The following CD1B variants were observed in gnomAD, a reference collection of about 807,000 sequenced individuals.
CD1B encodes the protein CD1b molecule.
Under a neutral mutation model 39.8 loss-of-function variants are expected in CD1B, and 43 were observed. The observed-to-expected ratio is 1.08, with a 90% CI of 0.85 to 1.39. CD1B has a LOEUF of 1.39. Among genes scored for constraint, CD1B ranks in the 40% most tolerant of loss-of-function variants. The probability of loss-of-function intolerance (pLI) is 0.00; values close to 1 mark genes in which losing one functional copy is unlikely to be tolerated. For missense variants in CD1B, 495 were observed against 403.8 expected (o/e 1.23, Z -1.94); for synonymous variants, 192 against 152.5 (o/e 1.26, Z -1.91).
the CD1B span, among the ~76,000 whole-genome samples, chr1:158,313,021 C>A: frequency 6.6e-6 from 1 of 152,074 alleles, no homozygotes; most frequent in Non-Finnish European, 1.5e-5. Flanking sequence ...AGGTACGTTC[C>A]TTATATACCT....
the CD1B span, among the ~76,000 whole-genome samples, chr1:158,294,854 C>T: frequency 0.034 from 5,174 of 152,266 alleles, 286 homozygotes; most frequent in African/African-American, 0.12. Context: ...CATTCCTTTT[C>T]ATTGCTGAAT....
chr1:158,315,097 A>G, the CD1B span, among the ~76,000 whole-genome samples: 1 of 151,444 alleles, frequency 6.6e-6, no homozygotes, highest in Non-Finnish European at 1.5e-5. Context: ...TGCTATTGTG[A>G]ATAATGCCGC....
chr1:158,304,270 C>G, the CD1B span, among the ~76,000 whole-genome samples: 1 of 152,138 alleles, frequency 6.6e-6, no homozygotes, highest in Non-Finnish European at 1.5e-5. Flanking sequence ...ATGGTCTTAG[C>G]AAAGGGCACA....
chr1:158,309,114 T>C, the CD1B span, among the ~76,000 whole-genome samples: 1 of 152,036 alleles, frequency 6.6e-6, no homozygotes, highest in Non-Finnish European at 1.5e-5. Flanking sequence ...GAATCTACTA[T>C]GAACTCAAAC....
the CD1B span, among the ~76,000 whole-genome samples, chr1:158,314,236 C>T: frequency 1.6e-4 from 24 of 152,118 alleles, no homozygotes; most frequent in Non-Finnish European, 3.2e-4. Context: ...AGGGGCCTGC[C>T]ACCACAATCA....
chr1:158,309,074 C>T, the CD1B span, among the ~76,000 whole-genome samples: 3 of 152,134 alleles, frequency 2.0e-5, no homozygotes, highest in Non-Finnish European at 4.4e-5. Flanking sequence ...ACTTTTGCAA[C>T]CTACTCATCT....
chr1:158,314,715 T>C, the CD1B span, among the ~76,000 whole-genome samples: 2 of 152,140 alleles, frequency 1.3e-5, no homozygotes, highest in Non-Finnish European at 2.9e-5. Context: ...TGCATGTTAG[T>C]TACGTATGTA....
the CD1B span, among the ~76,000 whole-genome samples, chr1:158,308,882 A>C: frequency 6.6e-6 from 1 of 152,242 alleles, no homozygotes; most frequent in Non-Finnish European, 1.5e-5. Context: ...AAAACCCTAG[A>C]AGAAAACCTA....
chr1:158,306,824 A>G, the CD1B span, among the ~76,000 whole-genome samples: 1 of 152,228 alleles, frequency 6.6e-6, no homozygotes, highest in Non-Finnish European at 1.5e-5. Flanking sequence ...CTGCTCCTGA[A>G]TGACTACTGG....
chr1:158,313,502 G>A, the CD1B span, among the ~76,000 whole-genome samples: 2 of 152,044 alleles, frequency 1.3e-5, no homozygotes, highest in African/African-American at 2.4e-5. Context: ...TTAGAGACAA[G>A]GTTTCATCAT....
At chr1:158,288,167 G>A in the CD1B span, among the ~76,000 whole-genome samples, 1 of 152,214 alleles carries the variant, frequency 6.6e-6, no homozygotes, top group Non-Finnish European at 1.5e-5. Flanking sequence ...TAGTGCTTAT[G>A]AATGATTTGG....
the CD1B span, among the ~76,000 whole-genome samples, chr1:158,296,813 A>G: frequency 8.5e-5 from 13 of 152,236 alleles, no homozygotes; most frequent in Admixed American, 8.5e-4. Flanking sequence ...AATTGGAAGT[A>G]TTAAAGGCAG....
rs773479465 is a variant in CD1B at position 158,329,988 on chromosome 1, G to A, written c.471C>T (p.Ser157=). ...ASCVPSPEGG[S]RAQKFCALII... is the part of the protein sequence containing the mutation. ...TTAGTGCACAGAATTTCTGTGCCCT[G>A]CTGCCACCTTCTGGGGAAGGCACAC... is the stretch of plus-strand genomic sequence containing the variant. The change falls in exon 3 of 6, where the codon AGC becomes AGT. Residue 157 remains serine, a synonymous_variant. Coordinates refer to ENST00000368168, the MANE Select transcript of CD1B (RefSeq NM_001764.3). The A allele has an allele frequency of 2.5e-6, 4 of 1,614,052 alleles. No homozygotes were observed. In the South Asian group the frequency reaches 3.3e-5, roughly 13 times the overall value.
the CD1B span, among the ~76,000 whole-genome samples, chr1:158,313,163 A>G: frequency 6.6e-6 from 1 of 152,176 alleles, no homozygotes; most frequent in South Asian, 2.1e-4. Context: ...TAATCTGAAT[A>G]CTTTGAATCA....
chr1:158,329,819 G>A (rs1571188173), intron 3 of CD1B, 33 bp downstream of exon 3: 1 of 1,595,514 alleles, frequency 6.3e-7, no homozygotes, highest in Non-Finnish European at 8.5e-7. Context: ...TCTTAGAGGA[G>A]GTGGTGGGAA....
chr1:158,304,681 C>G, the CD1B span, among the ~76,000 whole-genome samples: 1 of 152,198 alleles, frequency 6.6e-6, no homozygotes, highest in Non-Finnish European at 1.5e-5. Context: ...AACTGGGAGG[C>G]ACCTCCCAGT....
chr1:158,331,230 C>T, intron 1 of CD1B, 133 bp downstream of exon 1: 1 of 1,083,986 alleles, frequency 9.2e-7, no homozygotes, highest in Non-Finnish European at 1.4e-6. Context: ...TCCCAACCAC[C>T]AGAATGGTTG....
the CD1B span, chr1:158,292,399 T>C: frequency 1.3e-6 from 2 of 1,590,090 alleles, no homozygotes; most frequent in African/African-American, 2.7e-5. Context: ...CTAAGATTTT[T>C]CTATTCAAGT....
chr1:158,288,176 G>T, the CD1B span, among the ~76,000 whole-genome samples: 1 of 152,322 alleles, frequency 6.6e-6, no homozygotes, highest in Admixed American at 6.5e-5. Context: ...TGAATGATTT[G>T]GGTAGGATTT....
Sources: gnomAD v4.1 joint callset for allele counts (sites outside exome capture counted in the v4.1 genomes callset) on GRCh38, gnomAD v4.1.1 for gene constraint, MANE v1.5 for transcripts, NCBI Gene and HGNC (gene_info 2026-07-23, HGNC 2026-07-21) for gene names.